Variants in CTNNA2 observed in about 807,000 individuals in gnomAD.
CTNNA2 encodes catenin alpha 2, also known as catenin alpha-2.
In CTNNA2, 42 loss-of-function variants were observed where a neutral mutation model predicts 101.0. The observed-to-expected ratio is 0.42, with a 90% CI of 0.32 to 0.54. The LOEUF is 0.54. Ranked by LOEUF, CTNNA2 falls within the 20% of genes least tolerant of loss-of-function variation. The pLI, the probability that CTNNA2 is intolerant of heterozygous loss-of-function variation, is 0.14. For synonymous variants in CTNNA2, 450 were observed against 456.4 expected, an observed-to-expected ratio of 0.99 and a Z score of 0.18; for missense variants, 871 against 1,223.1, an observed-to-expected ratio of 0.71 and a Z score of 4.29.
intron 9 of CTNNA2, among the ~76,000 whole-genome samples, chr2:80,440,241 C>G (rs1363795660): frequency 6.6e-6 from 1 of 152,138 alleles, no homozygotes; most frequent in African/African-American, 2.4e-5. Context: ...CCCAAAAGAC[C>G]TGCAAGTATT....
At chr2:79,536,155 A>G (rs1270786301) in intron 1 of CTNNA2, among the ~76,000 whole-genome samples, 10 of 152,206 alleles carry the variant, frequency 6.6e-5, no homozygotes, top group Admixed American at 6.5e-5. Flanking sequence ...TCAGAGATAT[A>G]CAAAGAAAGC....
intron 1 of CTNNA2, among the ~76,000 whole-genome samples, chr2:79,573,298 C>A (rs373520005): frequency 6.6e-6 from 1 of 152,156 alleles, no homozygotes; most frequent in Admixed American, 6.6e-5. Flanking sequence ...CAAGTGTCAT[C>A]GCCAATGCTG....
chr2:79,689,867 A>G (rs572915523), intron 2 of CTNNA2, among the ~76,000 whole-genome samples: 1 of 152,172 alleles, frequency 6.6e-6, no homozygotes, highest in African/African-American at 2.4e-5. Context: ...AGACAAAGCT[A>G]AAGAAAGAAT....
At chr2:80,153,801 G>C (rs992393581) in intron 7 of CTNNA2, among the ~76,000 whole-genome samples, 2 of 152,196 alleles carry the variant, frequency 1.3e-5, no homozygotes, top group African/African-American at 4.8e-5. Flanking sequence ...ATTTTGTGAA[G>C]TTGATTGAGA....
chr2:80,432,812 T>A (rs1307854473), intron 9 of CTNNA2, among the ~76,000 whole-genome samples: 2 of 151,592 alleles, frequency 1.3e-5, no homozygotes, highest in Non-Finnish European at 2.9e-5. Flanking sequence ...ATTACTTAAT[T>A]TTTTTTTTGA....
intron 7 of CTNNA2, among the ~76,000 whole-genome samples, chr2:80,001,988 C>T (rs1180319663): frequency 6.6e-6 from 1 of 152,124 alleles, no homozygotes; most frequent in East Asian, 1.9e-4. Flanking sequence ...GTGAACATAC[C>T]TCTCTGTACT....
At chr2:79,274,802 A>G (rs1375744374) in intron 2 of CTNNA2, among the ~76,000 whole-genome samples, 1 of 152,092 alleles carries the variant, frequency 6.6e-6, no homozygotes, top group East Asian at 1.9e-4. Flanking sequence ...ATGATAATTT[A>G]TAAATGGCAG....
chr2:80,570,060 C>A (rs772851841), intron 12 of CTNNA2, among the ~76,000 whole-genome samples: 3 of 150,844 alleles, frequency 2.0e-5, no homozygotes, highest in Admixed American at 6.6e-5. Flanking sequence ...ATCACTCTTT[C>A]TGTTTTGAGA....
At chr2:80,344,020 C>A (rs1054972828) in intron 7 of CTNNA2, among the ~76,000 whole-genome samples, 2 of 152,100 alleles carry the variant, frequency 1.3e-5, no homozygotes, top group Non-Finnish European at 2.9e-5. Flanking sequence ...CTCTTGAGGC[C>A]TCTCCAATCA....
intron 4 of CTNNA2, among the ~76,000 whole-genome samples, chr2:79,485,782 G>C (rs140393632): frequency 6.4e-4 from 98 of 152,288 alleles, no homozygotes; most frequent in African/African-American, 2.1e-3. Flanking sequence ...CTTTATTTTA[G>C]ATTCATAGAT....
chr2:79,301,498 C>A (rs753885343), intron 2 of CTNNA2, among the ~76,000 whole-genome samples: 2 of 152,192 alleles, frequency 1.3e-5, no homozygotes, highest in Non-Finnish European at 2.9e-5. Flanking sequence ...GCAGAAGGAA[C>A]CTGGAGTGGA....
chr2:79,523,190 T>C, intron 1 of CTNNA2: 1 of 403,766 alleles, frequency 2.5e-6, no homozygotes, highest in South Asian at 1.9e-5. Context: ...AGTATTCAAT[T>C]TTTGGCTGTC....
chr2:80,242,014 A>G (rs1573490042), intron 7 of CTNNA2, among the ~76,000 whole-genome samples: 1 of 152,210 alleles, frequency 6.6e-6, no homozygotes, highest in Non-Finnish European at 1.5e-5. Flanking sequence ...CTTAAATTTT[A>G]GAAAGAATGT....
At chr2:80,514,833 A>G (rs974926865) in intron 9 of CTNNA2, among the ~76,000 whole-genome samples, 11 of 152,138 alleles carry the variant, frequency 7.2e-5, no homozygotes, top group African/African-American at 2.7e-4. Flanking sequence ...GTAGTTTTGG[A>G]AAAGGCAACA....
intron 4 of CTNNA2, among the ~76,000 whole-genome samples, chr2:79,432,255 G>T (rs1573163219): frequency 6.6e-6 from 1 of 152,152 alleles, no homozygotes; most frequent in African/African-American, 2.4e-5. Context: ...CTACAGTACA[G>T]TATGTATGGT....
chr2:80,079,697 A>C (rs1054138268), intron 7 of CTNNA2, among the ~76,000 whole-genome samples: 26 of 151,628 alleles, frequency 1.7e-4, no homozygotes, highest in African/African-American at 4.8e-4. Flanking sequence ...GCCTGTAGTC[A>C]CAGCTACTCG....
At chr2:79,981,936 C>T (rs1221859132) in intron 7 of CTNNA2, among the ~76,000 whole-genome samples, 1 of 151,766 alleles carries the variant, frequency 6.6e-6, no homozygotes, top group Non-Finnish European at 1.5e-5. Flanking sequence ...TCAGTTTCCT[C>T]ATTAGGATAA....
chr2:80,295,282 T>G (rs1162938999), intron 7 of CTNNA2, among the ~76,000 whole-genome samples: 1 of 151,730 alleles, frequency 6.6e-6, no homozygotes, highest in Non-Finnish European at 1.5e-5. Flanking sequence ...GTGTCTCAGG[T>G]CTCATGTGCG....
At chr2:79,447,082 G>A (rs927194212) in intron 4 of CTNNA2, among the ~76,000 whole-genome samples, 1 of 152,012 alleles carries the variant, frequency 6.6e-6, no homozygotes, top group African/African-American at 2.4e-5. Context: ...AGCAGTATTA[G>A]GGTAATAAAC....
Sources: gnomAD v4.1 joint callset for allele counts (sites outside exome capture counted in the v4.1 genomes callset) on GRCh38, gnomAD v4.1.1 for gene constraint, MANE v1.5 for transcripts, NCBI Gene and HGNC (gene_info 2026-07-23, HGNC 2026-07-21) for gene names.